KRT79: variants seen among roughly 807,000 people sequenced by gnomAD.
KRT79 encodes keratin 79.
KRT79 carries 51 observed loss-of-function variants against 49.0 expected under a neutral mutation model. The observed-to-expected ratio is 1.04, with a 90% CI of 0.83 to 1.31. The LOEUF is 1.31. Ranked by LOEUF, KRT79 falls within the 40% of genes most tolerant of loss-of-function variation. The pLI is 0.00. For synonymous variants in KRT79, 312 were observed against 286.6 expected, an observed-to-expected ratio of 1.09 and a Z score of -0.90; for missense variants, 728 against 688.0, an observed-to-expected ratio of 1.06 and a Z score of -0.65.
intron 4 of KRT79, among the ~76,000 whole-genome samples, chr12:52,824,802 C>T (rs1019025633): frequency 6.6e-6 from 1 of 152,142 alleles, no homozygotes; most frequent in African/African-American, 2.4e-5. Flanking sequence ...GCCAAGTCAC[C>T]AACTGCACCA....
intron 7 of KRT79, among the ~76,000 whole-genome samples, chr12:52,822,711 T>C (rs1257739680): frequency 6.6e-6 from 1 of 152,234 alleles, no homozygotes; most frequent in African/African-American, 2.4e-5. Context: ...TATTTCATGC[T>C]TTTCCTAAGG....
Position 52,831,710 on chromosome 12 carries a change from C to T in KRT79, c.478-84G>A, listed in dbSNP as rs1940259039. On this transcript the variant is annotated intron_variant, in intron 1 of 8. Transcript: ENST00000330553. ...GATGGGGTCCATTGCCACCTCCCCT[C>T]CAAGGCCAGGGCAACATAGGGACGC... The T allele has an allele frequency of 6.2e-6, 7 of 1,126,488 alleles. No homozygotes were observed. In the South Asian group the frequency reaches 9.6e-5, roughly 15 times the overall value. 69.8% of individuals were successfully genotyped at this position (1,126,488 alleles called of 1,614,324 possible).
chr12:52,824,395 C>A (rs1228657876), intron 4 of KRT79, 33 bp from the exon 5 acceptor site: 1 of 1,606,392 alleles, frequency 6.2e-7, no homozygotes, highest in Admixed American at 1.7e-5. Context: ...CACCAGCACC[C>A]CTGCTCCAGG....
At position 52,833,611 on chromosome 12, in the gene KRT79, C is replaced by T. The variant is rs143495553; in HGVS notation, c.477+173G>A. On this transcript the variant is annotated intron_variant, in intron 1 of 8. Transcript: ENST00000330553. ...ACAGGCACGGTGAAGACCTGAAGGC[C>T]GCCTCCAGCCACCCACGTCTCGGCA... Among the ~76,000 whole-genome samples the T allele has an allele frequency of 3.3e-3, 501 of 152,198 alleles. 24 individuals carry two copies. In the South Asian group the frequency reaches 0.088, roughly 27 times the overall value.
intron 1 of KRT79, 147 bp downstream of exon 1, chr12:52,833,637 T>C: frequency 2.7e-6 from 2 of 738,302 alleles, no homozygotes; most frequent in Non-Finnish European, 4.7e-6. Context: ...CGTCTCGGCA[T>C]CCCAGGCTCA....
intron 6 of KRT79, 141 bp downstream of exon 6, chr12:52,823,746 C>T: frequency 1.0e-6 from 1 of 965,298 alleles, no homozygotes; most frequent in Non-Finnish European, 1.5e-6. Context: ...AGTTTCCCCC[C>T]ATGTAAAAGG....
At position 52,824,286 on chromosome 12, in the gene KRT79, A is replaced by G; in HGVS notation, c.932T>C (p.Leu311Pro). Residue 311 changes from leucine (L) to proline (P), a missense_variant, in exon 5 of 9, where the codon CTG becomes CCG. Coordinates refer to ENST00000330553, the MANE Select transcript of KRT79 (RefSeq NM_175834.3). Reference sequence around the variant, plus strand: ...CTTGACCTCGGCGATGATGCTGTCCAGGTCCAGGTTGCGGTTGTTGTCCAT... The same window carrying G: ...CTTGACCTCGGCGATGATGCTGTCCGGGTCCAGGTTGCGGTTGTTGTCCAT... Reference protein sequence around the residue: ...LSMDNNRNLDLDSIIAEVKAQ... With the variant: ...LSMDNNRNLDPDSIIAEVKAQ... 1 of 1,614,210 alleles carries G rather than the reference A, an allele frequency of 6.2e-7. No individual in the cohort carries two copies. The highest frequency in any genetic ancestry group is 8.5e-7 in the Non-Finnish European group (1 of 1,180,028).
chr12:52,831,728 A>G, intron 1 of KRT79, 102 bp from the exon 2 acceptor site: 1 of 901,948 alleles, frequency 1.1e-6, no homozygotes, highest in South Asian at 1.5e-5. Context: ...AGGGCAACAT[A>G]GGGACGCTGC....
intron 2 of KRT79, 143 bp from the exon 3 acceptor site, chr12:52,830,435 A>G (rs1302390847): frequency 7.6e-6 from 5 of 655,864 alleles, no homozygotes; most frequent in Non-Finnish European, 1.4e-5. Flanking sequence ...GTAGCCAACC[A>G]GTGAAGAAAC....
chr12:52,823,785 T>C lies in KRT79; in HGVS notation c.1146+102A>G, dbSNP rs993882949. 3.0e-6 allele frequency: 4 copies of C among 1,333,200 alleles called. No individual in the cohort carries two copies. In the African/African-American group the frequency reaches 4.4e-5, roughly 15 times the overall value. 82.6% of individuals were successfully genotyped at this position (1,333,200 alleles called of 1,614,324 possible). A position where few individuals can be genotyped will look rare whatever the true frequency, so the allele number is the denominator to read the frequency against. ...CTGTGATCAATGGCCTAGCATTCTA[T>C]TGTGTCCGTCAGGAGAAGAGCAGGC... On this transcript the variant is annotated intron_variant, in intron 6 of 8. Coordinates refer to ENST00000330553, the MANE Select transcript of KRT79 (RefSeq NM_175834.3).
chr12:52,822,194 T>C (rs776113531), intron 8 of KRT79, 117 bp from the exon 9 acceptor site: 1 of 1,304,340 alleles, frequency 7.7e-7, no homozygotes, highest in East Asian at 2.5e-5. Context: ...GGGAAATGGA[T>C]AGAGAAGCCC....
chr12:52,830,387 C>A, intron 2 of KRT79, 95 bp from the exon 3 acceptor site: 1 of 1,004,480 alleles, frequency 1.0e-6, no homozygotes, highest in Admixed American at 1.8e-5. Context: ...ATGGGTCCCT[C>A]ACTGATCAAG....
rs544589036 is a variant in KRT79 at position 52,823,416 on chromosome 12, T to C, written c.1147-180A>G. On this transcript the variant is annotated intron_variant, in intron 6 of 8. Transcript: ENST00000330553. ...CACAAGCAGGATCAAGTAAGGCCACTGGGAAAGTCCTTACTGAAGTCTAAC... is the reference window on the plus strand; with the variant it reads ...CACAAGCAGGATCAAGTAAGGCCACCGGGAAAGTCCTTACTGAAGTCTAAC... 2.6e-5 allele frequency among the ~76,000 whole-genome samples: 4 copies of C among 152,338 alleles called. No individual in the cohort carries two copies. The East Asian group carries it at 5.8e-4, about 22-fold the overall frequency.
chr12:52,824,137 C>T (rs1302417605), intron 5 of KRT79, 61 bp downstream of exon 5: 1 of 1,613,022 alleles, frequency 6.2e-7, no homozygotes. Flanking sequence ...GCCCAAGCCT[C>T]TCACGATGGG....
At chr12:52,833,067 A>G (rs1371454181) in intron 1 of KRT79, among the ~76,000 whole-genome samples, 4 of 152,178 alleles carry the variant, frequency 2.6e-5, no homozygotes, top group Admixed American at 6.5e-5. Flanking sequence ...AGACCAGGAA[A>G]TCCCAGCACA....
chr12:52,832,276 A>C (rs780127112), intron 1 of KRT79, among the ~76,000 whole-genome samples: 1 of 152,186 alleles, frequency 6.6e-6, no homozygotes, highest in Non-Finnish European at 1.5e-5. Context: ...TCAAAAAATA[A>C]TAATAATAAA....
At chr12:52,833,356 G>T (rs914516162) in intron 1 of KRT79, among the ~76,000 whole-genome samples, 6 of 152,186 alleles carry the variant, frequency 3.9e-5, no homozygotes, top group African/African-American at 1.4e-4. Flanking sequence ...CATGCTCTTA[G>T]CCTTGAACAA....
At chr12:52,823,275 G>T (rs1214562755) in intron 6 of KRT79, 39 bp from the exon 7 acceptor site, 1 of 1,533,586 alleles carries the variant, frequency 6.5e-7, no homozygotes, top group Non-Finnish European at 9.0e-7. Context: ...ACCCTCCGGG[G>T]TCATCCCATT....
chr12:52,821,789 C>T lies in KRT79; in HGVS notation c.*83G>A. On this transcript the variant is annotated 3_prime_UTR_variant, in exon 9 of 9. Transcript: ENST00000330553. ...TGAGGTCCCCTGGCTGTTCCTGCTC[C>T]TGAGAAGTGACTGGAAAGGACAGCA... The T allele has an allele frequency of 1.5e-6, 2 of 1,296,106 alleles. No individual in the cohort carries two copies. The highest frequency in any genetic ancestry group is 2.5e-5 in the East Asian group (1 of 40,788). The allele number at this position is 1,296,106 out of a possible 1,614,324, so 80.3% of individuals were successfully genotyped here.
Sources: allele counts gnomAD v4.1 joint callset (sites outside exome capture counted in the v4.1 genomes callset), GRCh38; gene constraint gnomAD v4.1.1; transcripts MANE v1.5; gene names NCBI Gene and HGNC (gene_info 2026-07-23, HGNC 2026-07-21).